The following TRPM4 variants were observed in gnomAD, a reference collection of about 807,000 sequenced individuals.
The protein encoded by TRPM4 is transient receptor potential cation channel subfamily M member 4.
A neutral mutation model predicts 135.6 loss-of-function variants in TRPM4; 124 were observed. That is an observed-to-expected ratio of 0.91 (90% CI 0.79 to 1.06). The LOEUF is 1.06. Among genes scored for constraint, TRPM4 ranks in the 50% least tolerant of loss-of-function variants. The pLI is 0.00. For missense variants in TRPM4, 1,658 were observed against 1,671.4 expected, an observed-to-expected ratio of 0.99 and a Z score of 0.14; for synonymous variants, 745 against 705.6, an observed-to-expected ratio of 1.06 and a Z score of -0.88.
chr19:49,177,330 CTTTTTTTTT>C (rs36041791), intron 9 of TRPM4, among the ~76,000 whole-genome samples: 4 of 117,272 alleles, frequency 3.4e-5, no homozygotes, highest in Non-Finnish European at 5.3e-5. Flanking sequence ...ATGAATGCGT[CTTTTTTTTT>C]TTTTTTTTTT....
In TRPM4 at chr19:49,171,046, A is replaced by G. The variant is rs1254498985; in HGVS notation, c.797-311A>G. 6.6e-6 allele frequency among the ~76,000 whole-genome samples: 1 copy of G among 152,102 alleles called. No homozygotes were observed. Among genetic ancestry groups the G allele is most frequent in the African/African-American group, 2.4e-5 (1 of 41,410 alleles). ...GCCCCTGCACTCTATCCTGGGCGAT[A>G]GAGTGACACCCTGTTTCAGAAATTA... On this transcript the variant is annotated intron_variant, in intron 6 of 24. Coordinates refer to ENST00000252826, the MANE Select transcript of TRPM4 (RefSeq NM_017636.4). The surrounding 1 kb of genome is among the most constrained non-coding windows in gnomAD (Gnocchi z 4.7).
intron 11 of TRPM4, 54 bp downstream of exon 11, chr19:49,182,976 G>T: frequency 6.3e-7 from 1 of 1,591,290 alleles, no homozygotes; most frequent in East Asian, 2.2e-5. Flanking sequence ...ACCTGGGGGC[G>T]GGATTACATC....
At chr19:49,159,024 G>GTTTTTTTTTT (rs60811573) in intron 2 of TRPM4, 1 of 83,668 alleles carries the variant, frequency 1.2e-5, no homozygotes, top group East Asian at 3.2e-4. Flanking sequence ...AGGCTTTCTA[G>GTTTTTTTTTT]TTTTTTTTTT....
chr19:49,210,484 C>T lies in TRPM4; in HGVS notation c.3328+79C>T, dbSNP rs1358927815. The T allele has an allele frequency of 5.6e-5, 86 of 1,544,024 alleles. No individual in the cohort carries two copies. The highest frequency in any genetic ancestry group is 7.3e-5 in the Non-Finnish European group (83 of 1,132,772). On this transcript the variant is annotated intron_variant, in intron 21 of 24. Transcript: ENST00000252826. This position sits in a 1 kb window ranked among gnomAD's most constrained non-coding sequence, Gnocchi z 4.1. ...AAGGCGAGGGGAAGGGGGCATGCCC[C>T]AAATGACTAACGGGCGTGGCTTAGG...
At position 49,200,592 on chromosome 19, in the gene TRPM4, C is replaced by T; in HGVS notation, c.2779-19C>T. The T allele has an allele frequency of 1.2e-6, 2 of 1,610,704 alleles. No homozygotes were observed. Among genetic ancestry groups the T allele is most frequent in the South Asian group, 1.1e-5 (1 of 91,066 alleles). Reference sequence around the variant, plus strand: ...GAGTAGGAAAGGGCGGGGCCAGACTCAGCCACATCTCCCCACAGATGAAGG... The same window carrying T: ...GAGTAGGAAAGGGCGGGGCCAGACTTAGCCACATCTCCCCACAGATGAAGG... On this transcript the variant is annotated intron_variant, in intron 18 of 24. Transcript: ENST00000252826.
intron 2 of TRPM4, chr19:49,158,668 G>C: frequency 5.0e-6 from 1 of 200,752 alleles, no homozygotes; most frequent in South Asian, 8.6e-5. Context: ...GGTCCCTTTA[G>C]CCTAATTCAA....
chr19:49,197,171 G>A (rs1260181764), intron 17 of TRPM4, among the ~76,000 whole-genome samples: 3 of 151,932 alleles, frequency 2.0e-5, no homozygotes, highest in Non-Finnish European at 4.4e-5. Flanking sequence ...TTATGGGAGC[G>A]CCCCGACCTG....
At chr19:49,195,737 G>A in intron 16 of TRPM4, among the ~76,000 whole-genome samples, 1 of 148,872 alleles carries the variant, frequency 6.7e-6, no homozygotes, top group Non-Finnish European at 1.5e-5. Flanking sequence ...AAGCTGGAGT[G>A]CAGTGGCATG....
rs2146000675 is a variant in TRPM4, at chr19:49,211,323, C to T, written c.3640+54C>T. The T allele has an allele frequency of 6.3e-7, 1 of 1,579,826 alleles. No individual in the cohort carries two copies. The highest frequency in any genetic ancestry group is 2.2e-5 in the East Asian group (1 of 44,562). The stretch of plus-strand genomic sequence containing the variant: ...TCCAGCCTCTGTTCCTGTATTTTTG[C>T]GTGTTTTTCTCTCTCGGCACCTTTC... On this transcript the variant is annotated intron_variant, in intron 24 of 24. Transcript: ENST00000252826. This position sits in a 1 kb window ranked among gnomAD's most constrained non-coding sequence, Gnocchi z 4.8.
intron 17 of TRPM4, among the ~76,000 whole-genome samples, chr19:49,198,779 A>G (rs771565350): frequency 1.3e-5 from 2 of 151,894 alleles, no homozygotes; most frequent in Non-Finnish European, 2.9e-5. Flanking sequence ...TTTTGTTTTA[A>G]ATAGAGACAG....
chr19:49,168,110 G>T lies in TRPM4; in HGVS notation c.448+13G>T. The T allele has an allele frequency of 6.3e-7, 1 of 1,597,850 alleles. No individual in the cohort carries two copies. Among genetic ancestry groups the T allele is most frequent in the Non-Finnish European group, 8.5e-7 (1 of 1,174,048 alleles). On this transcript the variant is annotated intron_variant, in intron 4 of 24. Coordinates refer to ENST00000252826, the MANE Select transcript of TRPM4 (RefSeq NM_017636.4). ...GCCCAGAGCACAGGTGACCGAGGGT[G>T]GGTGGGGGCTGTCTCCTGGGCCTCG...
At position 49,158,348 on chromosome 19, in the gene TRPM4, C is replaced by G. The variant is rs765940410; in HGVS notation, c.92+89C>G. On this transcript the variant is annotated intron_variant, in intron 2 of 24. Transcript: ENST00000252826. ...GGTCACGCCCCAGCCCTGCTCCTTC[C>G]CCATTCCTGGACTCGGGGACCTTCC... 6 of 1,234,202 alleles carry G rather than the reference C, an allele frequency of 4.9e-6. No individual in the cohort carries two copies. The Admixed American group carries it at 1.0e-4, about 21-fold the overall frequency. The allele number at this position is 1,234,202 out of a possible 1,614,324, so 76.5% of individuals were successfully genotyped here. A position where few individuals can be genotyped will look rare whatever the true frequency, so the allele number is the denominator to read the frequency against.
At position 49,181,417 on chromosome 19, in the gene TRPM4, G is replaced by A; in HGVS notation, c.1219G>A (p.Asp407Asn). ...LRLAVAWNRVDIAQSELFRGD... is the reference protein window; with the variant it reads ...LRLAVAWNRVNIAQSELFRGD... ...TTTGGCTGTGGCTTGGAACCGCGTG[G>A]ACATTGCCCAGAGTGAACTCTTTCG... is the stretch of plus-strand genomic sequence containing the variant. The change falls in exon 10 of 25, where the codon GAC becomes AAC. Residue 407 changes from aspartate to asparagine, a missense_variant. Around this residue, in one of 3 missense-constraint regions of TRPM4, gnomAD observed 1,412 missense variants for 1,408.7 expected, o/e 1.00. Transcript: ENST00000252826. 6.2e-7 allele frequency: 1 copy of A among 1,613,908 alleles called. No homozygotes were observed. The highest frequency in any genetic ancestry group is 8.5e-7 in the Non-Finnish European group (1 of 1,180,016).
At chr19:49,170,404 G>T (rs1249835951) in intron 6 of TRPM4, among the ~76,000 whole-genome samples, 1 of 151,970 alleles carries the variant, frequency 6.6e-6, no homozygotes, top group African/African-American at 2.4e-5. Flanking sequence ...GGCCAGGCTG[G>T]TCTTGAACTC....
rs763667638 is a variant in TRPM4 at position 49,196,580 on chromosome 19, T to C, written c.2351T>C (p.Met784Thr). 6 of 1,557,072 alleles carry C rather than the reference T, an allele frequency of 3.9e-6. No individual in the cohort carries two copies. In the South Asian group the frequency reaches 7.1e-5, roughly 18 times the overall value. ...HFWGAPVTIF[M>T]GNVVSYLLFL... ...TGGGGCGCGCCGGTGACCATCTTCATGGGCAACGTGGTCAGCTACCTGCTG... is the reference window on the plus strand; with the variant it reads ...TGGGGCGCGCCGGTGACCATCTTCACGGGCAACGTGGTCAGCTACCTGCTG... The change falls in exon 17 of 25, where the codon ATG becomes ACG. Residue 784 changes from methionine to threonine, a missense_variant. Transcript: ENST00000252826.
At position 49,157,827 on chromosome 19, in the gene TRPM4, G is replaced by C. The variant is rs189571265; in HGVS notation, c.-40G>C. Reference sequence around the variant, plus strand: ...AAGCAGAGCCGGCGGAGGGAGCGCCGGGGCCCTGGGCTGCAGGAGGTTGCG... The same window carrying C: ...AAGCAGAGCCGGCGGAGGGAGCGCCCGGGCCCTGGGCTGCAGGAGGTTGCG... On this transcript the variant is annotated 5_prime_UTR_variant, in exon 1 of 25. Coordinates refer to ENST00000252826, the MANE Select transcript of TRPM4 (RefSeq NM_017636.4). 6.5e-7 allele frequency: 1 copy of C among 1,533,618 alleles called. No homozygotes were observed. Among genetic ancestry groups the C allele is most frequent in the Non-Finnish European group, 8.7e-7 (1 of 1,145,716 alleles).
intron 16 of TRPM4, among the ~76,000 whole-genome samples, chr19:49,193,788 C>T (rs192421402): frequency 1.3e-5 from 2 of 152,302 alleles, no homozygotes; most frequent in Admixed American, 1.3e-4. Context: ...GCTGTCCTCT[C>T]TGCATCTGAC....
At position 49,188,666 on chromosome 19, in the gene TRPM4, T is replaced by C. The variant is rs1250964236; in HGVS notation, c.1769T>C (p.Leu590Pro). ...EMGSNAVSSA[L>P]GACLLLRVMA... is the part of the protein sequence containing the mutation. Reference sequence around the variant, plus strand: ...GGTTCCAATGCAGTTTCCTCAGCTCTTGGGGCCTGTTTGCTGCTCCGGGTG... The same window carrying C: ...GGTTCCAATGCAGTTTCCTCAGCTCCTGGGGCCTGTTTGCTGCTCCGGGTG... Residue 590 changes from leucine to proline, a missense_variant, in exon 13 of 25, where the codon CTT becomes CCT. By Grantham distance (98) the Leu-to-Pro change is moderately conservative. This residue lies in a region of TRPM4 where 1,412 missense variants were observed against 1,408.7 expected (regional missense o/e 1.00). Coordinates refer to ENST00000252826, the MANE Select transcript of TRPM4 (RefSeq NM_017636.4). 1 of 1,614,082 alleles carries C rather than the reference T, an allele frequency of 6.2e-7. No individual in the cohort carries two copies. Among genetic ancestry groups the C allele is most frequent in the African/African-American group, 1.3e-5 (1 of 74,924 alleles).
In TRPM4 at chr19:49,196,503, C is replaced by T. The variant is rs777409336; in HGVS notation, c.2274C>T (p.Cys758=). ...GVPRQSGRPG[C]CGGRCGGRRC... ...CGCGCCAGTCGGGCCGTCCGGGTTGCTGCGGGGGCCGCTGCGGGGGGCGCC... is the reference window on the plus strand; with the variant it reads ...CGCGCCAGTCGGGCCGTCCGGGTTGTTGCGGGGGCCGCTGCGGGGGGCGCC... Residue 758 remains cysteine, a synonymous_variant, in exon 17 of 25, where the codon TGC becomes TGT. Transcript: ENST00000252826. The T allele has an allele frequency of 3.3e-6, 5 of 1,534,724 alleles. No individual in the cohort carries two copies. The highest frequency in any genetic ancestry group is 4.3e-6 in the Non-Finnish European group (5 of 1,153,690).
Sources: allele counts gnomAD v4.1 joint callset (sites outside exome capture counted in the v4.1 genomes callset), GRCh38; gene constraint gnomAD v4.1.1; regional missense constraint gnomAD v4.1.1; non-coding constraint Gnocchi (gnomAD v3.1); transcripts MANE v1.5; gene names NCBI Gene and HGNC (gene_info 2026-07-23, HGNC 2026-07-21).